SLC16A10: variants seen among roughly 807,000 people sequenced by gnomAD.
SLC16A10 encodes the protein monocarboxylate transporter 10.
A neutral mutation model predicts 40.0 loss-of-function variants in SLC16A10; 27 were observed. The ratio of observed to expected loss-of-function variants is 0.67; its 90% CI spans 0.50 to 0.93. SLC16A10 has a LOEUF of 0.93. Among genes scored for constraint, SLC16A10 ranks in the 40% least tolerant of loss-of-function variants. The pLI is 0.00. For synonymous variants in SLC16A10, 213 were observed against 249.8 expected (o/e 0.85, Z 1.39); for missense variants, 529 against 658.2 (o/e 0.80, Z 2.15).
chr6:111,160,682 G>A (rs541878539), intron 1 of SLC16A10, among the ~76,000 whole-genome samples: 3 of 152,224 alleles, frequency 2.0e-5, no homozygotes, highest in Non-Finnish European at 2.9e-5. Flanking sequence ...AATTTGAAGT[G>A]TAAGGATGGG....
At chr6:111,183,029 C>T (rs1253366556) in intron 3 of SLC16A10, among the ~76,000 whole-genome samples, 1 of 152,222 alleles carries the variant, frequency 6.6e-6, no homozygotes, top group East Asian at 1.9e-4. Flanking sequence ...GAAGAAGCCA[C>T]AGGCATTCTT....
chr6:111,110,347 A>ATT lies in SLC16A10; in HGVS notation c.343+22265_343+22266dup, dbSNP rs11383793. 3.4e-3 allele frequency among the ~76,000 whole-genome samples: 502 copies of ATT among 146,396 alleles called. 3 individuals carry two copies. Among genetic ancestry groups the ATT allele is most frequent in the South Asian group, 5.0e-3 (23 of 4,614 alleles). The stretch of plus-strand genomic sequence containing the variant: ...AGATTAGAGTCAAGCGAGGGTAACA[A>ATT]TTTTTTTTTTTTTTGAAGATAGGAG... On this transcript the variant is annotated intron_variant, in intron 1 of 5. Transcript: ENST00000368851.
At chr6:111,210,955 A>G (rs71562284) in intron 4 of SLC16A10, among the ~76,000 whole-genome samples, 2,917 of 151,536 alleles carry the variant, frequency 0.019, 38 homozygotes, top group Non-Finnish European at 0.029. Flanking sequence ...TCTGGGAGGC[A>G]GAGGTTGCAG....
chr6:111,182,826 A>G (rs1190346417), intron 3 of SLC16A10, among the ~76,000 whole-genome samples: 1 of 152,074 alleles, frequency 6.6e-6, no homozygotes, highest in Non-Finnish European at 1.5e-5. Context: ...TTTCTTGCAC[A>G]CCATAGTCCT....
At chr6:111,212,180 C>G (rs1012014363) in intron 4 of SLC16A10, among the ~76,000 whole-genome samples, 2 of 152,138 alleles carry the variant, frequency 1.3e-5, no homozygotes, top group African/African-American at 4.8e-5. Context: ...CAGTTCACCC[C>G]AGTTCTACCA....
chr6:111,230,016 A>T lies in SLC16A10; in HGVS notation c.*7781A>T, dbSNP rs1771082137. The T allele has an allele frequency of 9.3e-5, 1 of 10,730 alleles. No individual in the cohort carries two copies. The allele number at this position is 10,730 out of a possible 1,614,324, so 0.7% of individuals were successfully genotyped here. A position where few individuals can be genotyped will look rare whatever the true frequency, so the allele number is the denominator to read the frequency against. ...TTTTTTTTTTTTTTTTTTGAGATGGAGTCTTGCTCTATTGCCAGGCTCCAT... is the reference window on the plus strand; with the variant it reads ...TTTTTTTTTTTTTTTTTTGAGATGGTGTCTTGCTCTATTGCCAGGCTCCAT... On this transcript the variant is annotated 3_prime_UTR_variant, in exon 6 of 6. Coordinates refer to ENST00000368851, the MANE Select transcript of SLC16A10 (RefSeq NM_018593.5).
chr6:111,144,446 GC>G, intron 1 of SLC16A10, among the ~76,000 whole-genome samples: 1 of 152,166 alleles, frequency 6.6e-6, no homozygotes, highest in African/African-American at 2.4e-5. Context: ...CTCGTGATCT[GC>G]CCGCCTCAGC....
At chr6:111,150,588 G>A (rs1028536367) in intron 1 of SLC16A10, among the ~76,000 whole-genome samples, 1 of 152,146 alleles carries the variant, frequency 6.6e-6, no homozygotes, top group African/African-American at 2.4e-5. Context: ...CTCTCCTATA[G>A]GCTTTGCCAT....
At chr6:111,124,131 G>A (rs1771630791) in intron 1 of SLC16A10, among the ~76,000 whole-genome samples, 1 of 152,054 alleles carries the variant, frequency 6.6e-6, no homozygotes, top group African/African-American at 2.4e-5. Context: ...TGAGATGGAG[G>A]GGTTCTTGAT....
intron 1 of SLC16A10, among the ~76,000 whole-genome samples, chr6:111,147,713 A>G (rs1376503322): frequency 1.1e-4 from 17 of 152,198 alleles, no homozygotes; most frequent in Admixed American, 1.1e-3. Context: ...ATGCAGTGTC[A>G]GTCTCTGAGT....
intron 1 of SLC16A10, among the ~76,000 whole-genome samples, chr6:111,108,453 C>T (rs1194329030): frequency 6.6e-6 from 1 of 152,150 alleles, no homozygotes; most frequent in Non-Finnish European, 1.5e-5. Flanking sequence ...ATTCCTGGGA[C>T]CCTCAATTCT....
intron 1 of SLC16A10, among the ~76,000 whole-genome samples, chr6:111,124,861 C>G (rs1414375142): frequency 6.6e-6 from 1 of 152,162 alleles, no homozygotes. Flanking sequence ...TTTGTTCTTC[C>G]TACCTCTGCA....
At chr6:111,115,248 C>T (rs1423921579) in intron 1 of SLC16A10, among the ~76,000 whole-genome samples, 2 of 150,784 alleles carry the variant, frequency 1.3e-5, no homozygotes, top group African/African-American at 4.9e-5. Flanking sequence ...GATGAAGTCT[C>T]CGCCCAGGCT....
chr6:111,144,481 G>C (rs1329537468), intron 1 of SLC16A10, among the ~76,000 whole-genome samples: 1 of 152,206 alleles, frequency 6.6e-6, no homozygotes, highest in Non-Finnish European at 1.5e-5. Flanking sequence ...GGGATTACAG[G>C]CATGAGCCAC....
chr6:111,099,672 G>A (rs941953375), intron 1 of SLC16A10, among the ~76,000 whole-genome samples: 3 of 152,058 alleles, frequency 2.0e-5, no homozygotes, highest in Non-Finnish European at 4.4e-5. Flanking sequence ...GGGCAAATAG[G>A]CTATTTTTTC....
chr6:111,177,855 T>C, intron 3 of SLC16A10, 190 bp downstream of exon 3: 2 of 541,948 alleles, frequency 3.7e-6, no homozygotes, highest in Admixed American at 7.2e-5. Context: ...AGAGAGTATG[T>C]TTCATAGTGT....
At chr6:111,187,091 A>G (rs985095493) in intron 3 of SLC16A10, among the ~76,000 whole-genome samples, 4 of 152,196 alleles carry the variant, frequency 2.6e-5, no homozygotes, top group East Asian at 1.9e-4. Flanking sequence ...AACCCATGCA[A>G]TGGTGTGCTT....
At chr6:111,218,705 A>AG (rs903110533) in intron 4 of SLC16A10, 109 bp from the exon 5 acceptor site, 5 of 831,418 alleles carry the variant, frequency 6.0e-6, no homozygotes, top group African/African-American at 3.4e-5. Flanking sequence ...AGGCAGTGGC[A>AG]GGGGGGAAAG....
chr6:111,098,319 A>T (rs1771113202), intron 1 of SLC16A10, among the ~76,000 whole-genome samples: 1 of 152,108 alleles, frequency 6.6e-6, no homozygotes, highest in Admixed American at 6.6e-5. Flanking sequence ...AAAAAAAGAA[A>T]ACCCTAGGTG....
Sources: gnomAD v4.1 joint callset for allele counts (sites outside exome capture counted in the v4.1 genomes callset) on GRCh38, gnomAD v4.1.1 for gene constraint, MANE v1.5 for transcripts, NCBI Gene and HGNC (gene_info 2026-07-23, HGNC 2026-07-21) for gene names.